Variants in LMF1 observed in about 807,000 individuals in gnomAD.
LMF1 encodes lipase maturation factor 1, also known as transmembrane protein 112.
In LMF1, 68 loss-of-function variants were observed where a neutral mutation model predicts 60.6. The observed-to-expected ratio is 1.12, with a 90% confidence interval of 0.92 to 1.37. The LOEUF (loss-of-function observed/expected upper bound fraction) is 1.37. Among genes scored for constraint, LMF1 ranks in the 40% most tolerant of loss-of-function variants. The pLI is 0.00. For synonymous variants in LMF1, 418 were observed against 324.7 expected, an observed-to-expected ratio of 1.29 and a Z score of -3.09; for missense variants, 948 against 767.2, an observed-to-expected ratio of 1.24 and a Z score of -2.78.
rs530184182 is a variant in LMF1, at chr16:952,317, C to T, written c.503+2040G>A. On this transcript the variant is annotated intron_variant, in intron 2 of 10. Transcript: ENST00000262301. ...CAGCCACAAAGTGGGGACCCCCCCC[C>T]ACAGGTGCCCTGATGCCAGCTGCAG... is the stretch of plus-strand genomic sequence containing the variant. 7.7e-4 allele frequency among the ~76,000 whole-genome samples: 103 copies of T among 133,038 alleles called. No individual in the cohort carries two copies. In the East Asian group the frequency reaches 0.02, roughly 26 times the overall value. The allele number at this position is 133,038 out of a possible 152,430, so 87.3% of individuals were successfully genotyped here. A position where few individuals can be genotyped will look rare whatever the true frequency, so the allele number is the denominator to read the frequency against.
chr16:892,312 C>T (rs9941318), intron 5 of LMF1, among the ~76,000 whole-genome samples: 57,688 of 152,058 alleles, frequency 0.38, 12,072 homozygotes, highest in African/African-American at 0.54. Context: ...CTAGGTGCAC[C>T]GTGGCCATGA....
intron 5 of LMF1, among the ~76,000 whole-genome samples, chr16:888,382 T>C (rs770663478): frequency 2.0e-5 from 3 of 152,256 alleles, no homozygotes; most frequent in Non-Finnish European, 4.4e-5. Flanking sequence ...AATGGAGAAT[T>C]GTTTGCAACG....
Position 962,463 on chromosome 16 carries a change from C to CA in LMF1, c.194-7798dup, listed in dbSNP as rs59113884. Among the ~76,000 whole-genome samples, 30,896 of 151,948 alleles carry CA rather than the reference C, an allele frequency of 0.2. 3,552 individuals are homozygous for CA. Among genetic ancestry groups the CA allele is most frequent in the South Asian group, 0.31 (1,489 of 4,812 alleles). On this transcript the variant is annotated intron_variant, in intron 1 of 10. Coordinates refer to ENST00000262301, the MANE Select transcript of LMF1 (RefSeq NM_022773.4). The surrounding 1 kb of genome is among the most constrained non-coding windows in gnomAD (Gnocchi z 4.5). ...AGCGGGCGGGAAAGCAGGGACCTGT[C>CA]AGAGGGCACACCTGGCAGGCAGACC...
chr16:914,274 G>T (rs1483970237), intron 3 of LMF1, among the ~76,000 whole-genome samples: 1 of 152,098 alleles, frequency 6.6e-6, no homozygotes, highest in Non-Finnish European at 1.5e-5. Flanking sequence ...ACTGCAGGTT[G>T]CTTCAGTACA....
intron 5 of LMF1, among the ~76,000 whole-genome samples, chr16:883,329 C>T (rs138377097): frequency 0.023 from 3,470 of 150,812 alleles, 128 homozygotes; most frequent in African/African-American, 0.08. Flanking sequence ...AAAGAGAAGC[C>T]GCCCAGCGAA....
rs141020718 is a variant in LMF1, at chr16:932,252, G to A, written c.514+1992C>T. ...GGGGGCACGGGGAGGGTGGGCTCCA[G>A]GCCCTCTCATCCTCAGCGATGGGTC... is the stretch of plus-strand genomic sequence containing the variant. On this transcript the variant is annotated intron_variant, in intron 3 of 10. Coordinates refer to ENST00000262301, the MANE Select transcript of LMF1 (RefSeq NM_022773.4). 3.9e-3 allele frequency among the ~76,000 whole-genome samples: 593 copies of A among 152,340 alleles called. 3 individuals carry two copies. Among genetic ancestry groups the A allele is most frequent in the African/African-American group, 0.013 (545 of 41,576 alleles).
In LMF1 at chr16:854,241, C is replaced by T. The variant is rs1209270391; in HGVS notation, c.*291G>A. 4 of 625,986 alleles carry T rather than the reference C, an allele frequency of 6.4e-6. No homozygotes were observed. The East Asian group carries it at 9.8e-5, about 15-fold the overall frequency. 38.8% of individuals were successfully genotyped at this position (625,986 alleles called of 1,614,324 possible). On this transcript the variant is annotated 3_prime_UTR_variant, in exon 11 of 11. Coordinates refer to ENST00000262301, the MANE Select transcript of LMF1 (RefSeq NM_022773.4). ...ATTGTCTCAACTCCTGTGGGCGGCA[C>T]AGCCCCAGGCTGGGCCTCTGGGAGG...
At chr16:964,321 G>GA (rs972513501) in intron 1 of LMF1, among the ~76,000 whole-genome samples, 46 of 143,142 alleles carry the variant, frequency 3.2e-4, no homozygotes, top group Admixed American at 4.9e-4. Context: ...AAAAGAATCA[G>GA]AAAAAAAAAA....
At chr16:912,736 G>A (rs938674624) in intron 3 of LMF1, among the ~76,000 whole-genome samples, 5 of 152,204 alleles carry the variant, frequency 3.3e-5, no homozygotes, top group Non-Finnish European at 5.9e-5. Flanking sequence ...GGGCCTTGCG[G>A]ACACCCTGGG....
exon 1 of LMF1, chr16:981,270 G>A: frequency 2.2e-6 from 1 of 454,178 alleles, no homozygotes; most frequent in African/African-American, 2.0e-5. Context: ...GAGACCTCAG[G>A]CGCGAGACGG....
At chr16:876,150 A>C (rs1334631124) in intron 6 of LMF1, among the ~76,000 whole-genome samples, 2 of 152,180 alleles carry the variant, frequency 1.3e-5, no homozygotes, top group Admixed American at 1.3e-4. Flanking sequence ...GGAGAAACAA[A>C]CCGGGGCACG....
chr16:929,603 G>A (rs867514092), intron 3 of LMF1, among the ~76,000 whole-genome samples: 1 of 152,224 alleles, frequency 6.6e-6, no homozygotes, highest in South Asian at 2.1e-4. Flanking sequence ...AATATCAAAA[G>A]GTGCACTCGC....
At chr16:885,835 G>A (rs925828145) in intron 5 of LMF1, among the ~76,000 whole-genome samples, 4 of 152,134 alleles carry the variant, frequency 2.6e-5, no homozygotes, top group Admixed American at 1.3e-4. Context: ...AAATGAGGAC[G>A]TACAGAAGAG....
chr16:857,845 A>AGTGGTGTCTCGGGATGGGTGTGC (rs2069253101), intron 10 of LMF1, among the ~76,000 whole-genome samples: 1 of 43,208 alleles, frequency 2.3e-5, no homozygotes, highest in African/African-American at 2.9e-4. Context: ...GATGGGTGTG[A>AGTGGTGTCTCGGGATGGGTGTGC]GTGGTGTCTC....
intron 3 of LMF1, among the ~76,000 whole-genome samples, chr16:918,712 C>A (rs1045431652): frequency 3.5e-5 from 5 of 144,410 alleles, no homozygotes; most frequent in African/African-American, 5.1e-5. Context: ...CACTCAAAGG[C>A]AGCCTGCGTG....
At chr16:973,731 G>GTGGT (rs2073087203), upstream of LMF1, among the ~76,000 whole-genome samples, 1 of 152,146 alleles carries the variant, frequency 6.6e-6, no homozygotes, top group Non-Finnish European at 1.5e-5. Context: ...CCGGGCACCG[G>GTGGT]GGCTCACGCC....
chr16:952,911 C>T (rs1422863987), intron 2 of LMF1, among the ~76,000 whole-genome samples: 7 of 135,502 alleles, frequency 5.2e-5, no homozygotes, highest in South Asian at 4.8e-4. Flanking sequence ...AACCAGCCTC[C>T]TACACGTCCA....
chr16:980,622 AG>A (rs939138656), intron 1 of LMF1: 1 of 152,080 alleles, frequency 6.6e-6, no homozygotes, highest in African/African-American at 2.4e-5. Flanking sequence ...GGAATGGCGC[AG>A]CCCCTTCGCC....
chr16:875,206 G>A (rs1362987228), intron 6 of LMF1, among the ~76,000 whole-genome samples: 1 of 152,034 alleles, frequency 6.6e-6, no homozygotes, highest in Non-Finnish European at 1.5e-5. Context: ...GTGAGGCCCA[G>A]CTCTGTCCCC....
Sources: allele counts gnomAD v4.1 joint callset (sites outside exome capture counted in the v4.1 genomes callset), GRCh38; gene constraint gnomAD v4.1.1; non-coding constraint Gnocchi (gnomAD v3.1); transcripts MANE v1.5; gene names NCBI Gene and HGNC (gene_info 2026-07-23, HGNC 2026-07-21).